SDK1: variants seen among roughly 807,000 people sequenced by gnomAD.
The protein encoded by SDK1 is sidekick cell adhesion molecule 1.
Under a neutral mutation model 245.5 loss-of-function variants are expected in SDK1, and 157 were observed. The ratio of observed to expected loss-of-function variants is 0.64; its 90% CI spans 0.56 to 0.73. The LOEUF is 0.73. Ranked by LOEUF, SDK1 falls within the 30% of genes least tolerant of loss-of-function variation. The pLI is 0.00. For synonymous variants in SDK1, 1,647 were observed against 1,278.5 expected (o/e 1.29, Z -6.15); for missense variants, 3,583 against 3,002.3 (o/e 1.19, Z -4.52).
chr7:3,469,378 C>T (rs181602439), intron 1 of SDK1, among the ~76,000 whole-genome samples: 3 of 152,256 alleles, frequency 2.0e-5, no homozygotes, highest in East Asian at 3.9e-4. Context: ...CTGAAGTGAG[C>T]CATGATTGTG....
At chr7:4,106,350 C>G (rs1288957225) in intron 22 of SDK1, among the ~76,000 whole-genome samples, 1 of 151,272 alleles carries the variant, frequency 6.6e-6, no homozygotes, top group Non-Finnish European at 1.5e-5. Flanking sequence ...GTCACCCAGC[C>G]TGGAGTGCAG....
chr7:4,173,841 T>C (rs1327278937), intron 32 of SDK1, among the ~76,000 whole-genome samples: 1 of 152,114 alleles, frequency 6.6e-6, no homozygotes, highest in Non-Finnish European at 1.5e-5. Flanking sequence ...TGGTGGGTGC[T>C]TCAGAGCAGG....
intron 5 of SDK1, among the ~76,000 whole-genome samples, chr7:3,883,055 T>C (rs10272793): frequency 9.9e-5 from 15 of 152,130 alleles, no homozygotes; most frequent in African/African-American, 3.6e-4. Context: ...CACTGAGTTA[T>C]TGGTGCAGTT....
chr7:3,807,345 C>A (rs74894289), intron 4 of SDK1, among the ~76,000 whole-genome samples: 1 of 152,160 alleles, frequency 6.6e-6, no homozygotes, highest in Non-Finnish European at 1.5e-5. Context: ...ACACATAACT[C>A]GGGTGGTGTG....
At chr7:3,723,943 TAG>T (rs542853903) in intron 4 of SDK1, among the ~76,000 whole-genome samples, 4,958 of 89,586 alleles carry the variant, frequency 0.055, 468 homozygotes, top group Admixed American at 0.1. Flanking sequence ...TATATATATA[TAG>T]AGAGAGAGAG....
At chr7:4,039,431 T>C (rs1788449023) in intron 17 of SDK1, among the ~76,000 whole-genome samples, 1 of 152,210 alleles carries the variant, frequency 6.6e-6, no homozygotes, top group South Asian at 2.1e-4. Context: ...TAAAGTGGCC[T>C]GTAGGCCTTA....
In SDK1 at chr7:3,969,364, A is replaced by G. The variant is rs780496869; in HGVS notation, c.1654A>G (p.Thr552Ala). ...CTTCATCCAGGATGCCGGCAACTAC[A>G]CCTGCTATGCGGCCAACACAGAGGG... is the stretch of plus-strand genomic sequence containing the variant. ...PVFIQDAGNY[T>A]CYAANTEGSL... is the part of the protein sequence containing the mutation. The change falls in exon 11 of 45, where the codon ACC (threonine) becomes GCC (alanine). Residue 552 changes from threonine to alanine, a missense_variant. Thr to Ala is a moderately conservative substitution (Grantham distance 58). Coordinates refer to ENST00000404826, the MANE Select transcript of SDK1 (RefSeq NM_152744.4). 4 of 1,611,004 alleles carry G rather than the reference A, an allele frequency of 2.5e-6. No homozygotes were observed. The highest frequency in any genetic ancestry group is 2.2e-5 in the East Asian group (1 of 44,776).
chr7:3,308,359 G>A (rs762291676), intron 1 of SDK1, among the ~76,000 whole-genome samples: 1 of 152,112 alleles, frequency 6.6e-6, no homozygotes, highest in Non-Finnish European at 1.5e-5. Flanking sequence ...GTAGATGTCT[G>A]TTTTTGTGCT....
chr7:4,143,915 G>A (rs1035681400), intron 28 of SDK1, among the ~76,000 whole-genome samples: 3 of 152,216 alleles, frequency 2.0e-5, no homozygotes, highest in Admixed American at 2.0e-4. Flanking sequence ...GATGCAGCAG[G>A]GTCCCTGGAT....
At chr7:4,120,357 C>T (rs75683295) in intron 25 of SDK1, among the ~76,000 whole-genome samples, 4 of 148,190 alleles carry the variant, frequency 2.7e-5, no homozygotes, top group African/African-American at 7.4e-5. Flanking sequence ...AGAGAAAAAT[C>T]TTAAAAACAA....
In SDK1 at chr7:3,951,754, C is replaced by T. The variant is rs769050107; in HGVS notation, c.984C>T (p.Thr328=). The T allele has an allele frequency of 5.0e-6, 8 of 1,613,638 alleles. No homozygotes were observed. In the South Asian group the frequency reaches 8.8e-5, roughly 18 times the overall value. Residue 328 remains threonine, a synonymous_variant, in exon 7 of 45, where the codon ACC becomes ACT. Transcript: ENST00000404826. ...GGCCTGTGGAGGACCTGAGTGTGACCTGGAAGAGGAATGGAGTGAGAATCA... is the reference window on the plus strand; with the variant it reads ...GGCCTGTGGAGGACCTGAGTGTGACTTGGAAGAGGAATGGAGTGAGAATCA... ...SARPVEDLSV[T]WKRNGVRITS... is the part of the protein sequence containing the mutation.
chr7:3,684,920 C>T (rs1414952728), intron 4 of SDK1, among the ~76,000 whole-genome samples: 1 of 152,014 alleles, frequency 6.6e-6, no homozygotes, highest in Non-Finnish European at 1.5e-5. Context: ...GAGGACAGGT[C>T]AAGAATGTAG....
chr7:3,816,276 A>G (rs899425995), intron 4 of SDK1, among the ~76,000 whole-genome samples: 65 of 152,010 alleles, frequency 4.3e-4, no homozygotes, highest in Non-Finnish European at 8.7e-4. Context: ...AGAGACACAA[A>G]AAACCCTTCA....
intron 1 of SDK1, among the ~76,000 whole-genome samples, chr7:3,538,159 T>C (rs1428808543): frequency 6.6e-6 from 1 of 152,098 alleles, no homozygotes; most frequent in East Asian, 1.9e-4. Context: ...CATGGGTGGG[T>C]AGGTGGATGG....
intron 1 of SDK1, among the ~76,000 whole-genome samples, chr7:3,395,501 A>G (rs1173155604): frequency 6.6e-6 from 1 of 151,780 alleles, no homozygotes; most frequent in Non-Finnish European, 1.5e-5. Context: ...AATATTCTAG[A>G]ATGAGATGTG....
rs538836731 is a variant in SDK1 at position 4,132,317 on chromosome 7, C to T, written c.4130-8C>T. ...TGAGATCTGAATCCCTGTGGTTTTT[C>T]CCTTCAGCCCCAGGCCCACCAGTGA... is the stretch of plus-strand genomic sequence containing the variant. On this transcript the variant is annotated splice_polypyrimidine_tract_variant and splice_region_variant and intron_variant, in intron 27 of 44. Transcript: ENST00000404826. The T allele has an allele frequency of 3.7e-6, 6 of 1,603,172 alleles. No individual in the cohort carries two copies.
intron 5 of SDK1, among the ~76,000 whole-genome samples, chr7:3,825,191 AC>A (rs945375814): frequency 6.6e-5 from 10 of 152,022 alleles, no homozygotes; most frequent in Admixed American, 6.6e-4. Flanking sequence ...CCGAGGTCAG[AC>A]CCGGGAAAGC....
chr7:3,914,896 C>G (rs899247321), intron 5 of SDK1, among the ~76,000 whole-genome samples: 1 of 152,134 alleles, frequency 6.6e-6, no homozygotes, highest in Non-Finnish European at 1.5e-5. Context: ...TCGTCGAAAG[C>G]GAGTGTGTTT....
chr7:3,913,582 C>T (rs1243879274), intron 5 of SDK1, among the ~76,000 whole-genome samples: 4 of 152,080 alleles, frequency 2.6e-5, no homozygotes, highest in East Asian at 3.9e-4. Context: ...CGTGAGCCAC[C>T]GTGCCCGGCC....
Sources: gnomAD v4.1 joint callset for allele counts (sites outside exome capture counted in the v4.1 genomes callset) on GRCh38, gnomAD v4.1.1 for gene constraint, MANE v1.5 for transcripts, NCBI Gene and HGNC (gene_info 2026-07-23, HGNC 2026-07-21) for gene names.